FAM168B: variants seen among roughly 807,000 people sequenced by gnomAD.
FAM168B encodes family with sequence similarity 168 member B.
In FAM168B, 19 loss-of-function variants were observed where a neutral mutation model predicts 21.8. The observed-to-expected ratio is 0.87, with a 90% CI of 0.61 to 1.28. The LOEUF (loss-of-function observed/expected upper bound fraction) is 1.28, where lower values mean the gene tolerates loss of function less well. Ranked by LOEUF, FAM168B falls within the 50% of genes most tolerant of loss-of-function variation. The probability of loss-of-function intolerance (pLI) is 0.00; values close to 1 mark genes in which losing one functional copy is unlikely to be tolerated. For missense variants in FAM168B, 233 were observed against 263.1 expected (o/e 0.89, Z 0.79); for synonymous variants, 126 against 104.8 (o/e 1.20, Z -1.24).
intron 1 of FAM168B, among the ~76,000 whole-genome samples, chr2:131,086,775 C>CA (rs2105589462): frequency 7.0e-6 from 1 of 142,990 alleles, no homozygotes; most frequent in East Asian, 2.0e-4. Context: ...TTAAGAGTCA[C>CA]AAGAGAAAGG....
rs201465601 is a variant in FAM168B at position 131,089,966 on chromosome 2, A to C, written c.-12+3248T>G. 5.9e-5 allele frequency among the ~76,000 whole-genome samples: 9 copies of C among 151,914 alleles called. No homozygotes were observed. The East Asian group carries it at 1.8e-3, about 30-fold the overall frequency. ...AGAATCACTTGAACCCAGGAGGCAG[A>C]GGTTTCAGTGAGCCGAGATCATACC... On this transcript the variant is annotated intron_variant, in intron 1 of 6. Transcript: ENST00000389915.
chr2:131,056,515 C>T (rs983684572), intron 3 of FAM168B, among the ~76,000 whole-genome samples: 1 of 152,032 alleles, frequency 6.6e-6, no homozygotes, highest in Non-Finnish European at 1.5e-5. Context: ...ATAAAGAGAC[C>T]CCATCTAGTA....
At chr2:131,081,657 A>T (rs1693440463) in intron 2 of FAM168B, among the ~76,000 whole-genome samples, 1 of 152,114 alleles carries the variant, frequency 6.6e-6, no homozygotes, top group Non-Finnish European at 1.5e-5. Context: ...AGAATGACTG[A>T]TAAGAAGTCT....
At chr2:131,073,343 TCGGCCTCCCAAAGTGCGGGTATTAC>T (rs1692976822) in intron 2 of FAM168B, among the ~76,000 whole-genome samples, 1 of 152,290 alleles carries the variant, frequency 6.6e-6, no homozygotes, top group South Asian at 2.1e-4. Context: ...TCCACCTGCC[TCGGCCTCCCAAAGTGCGGGTATTAC>T]CGGCATGAGT....
intron 3 of FAM168B, among the ~76,000 whole-genome samples, chr2:131,061,506 C>A (rs1355580900): frequency 6.6e-6 from 1 of 151,904 alleles, no homozygotes. Context: ...TATAGTCAGG[C>A]GCAGTGGCTC....
At chr2:131,090,273 C>A (rs1044208711) in intron 1 of FAM168B, among the ~76,000 whole-genome samples, 27 of 148,334 alleles carry the variant, frequency 1.8e-4, no homozygotes, top group African/African-American at 6.7e-4. Context: ...GAGCCCAGAC[C>A]GTGCCACTGC....
chr2:131,050,190 T>G lies in FAM168B; in HGVS notation c.*2275A>C. The G allele has an allele frequency of 1.0e-6, 1 of 985,480 alleles. No homozygotes were observed. The highest frequency in any genetic ancestry group is 1.2e-6 in the Non-Finnish European group (1 of 829,950). The allele number at this position is 985,480 out of a possible 1,614,324, so 61.0% of individuals were successfully genotyped here. A position where few individuals can be genotyped will look rare whatever the true frequency, so the allele number is the denominator to read the frequency against. On this transcript the variant is annotated 3_prime_UTR_variant, in exon 7 of 7. Coordinates refer to ENST00000389915, the MANE Select transcript of FAM168B (RefSeq NM_001009993.4). ...GTGTGTGCCAAGTACCAAGCAAGCC[T>G]GAAGAGATGCCTGTAACTTCTAACC...
At position 131,049,070 on chromosome 2, in the gene FAM168B, AGCACTCACTG is replaced by A. The variant is rs1558921808; in HGVS notation, c.*3385_*3394del. On this transcript the variant is annotated 3_prime_UTR_variant, in exon 7 of 7. Transcript: ENST00000389915. ...AACTAGTACATGTTGGCCTTTCACC[AGCACTCACTG>A]GCACTCACAGGTGCCTTACATACCT... The A allele has an allele frequency of 2.0e-6, 2 of 985,344 alleles. No individual in the cohort carries two copies. Among genetic ancestry groups the A allele is most frequent in the African/African-American group, 1.7e-5 (1 of 57,242 alleles). The allele number at this position is 985,344 out of a possible 1,614,324, so 61.0% of individuals were successfully genotyped here.
At chr2:131,058,757 G>C (rs1328098372) in intron 3 of FAM168B, among the ~76,000 whole-genome samples, 1 of 152,122 alleles carries the variant, frequency 6.6e-6, no homozygotes, top group Non-Finnish European at 1.5e-5. Context: ...TCATCTCCTC[G>C]TCTTTAAGAA....
intron 2 of FAM168B, among the ~76,000 whole-genome samples, chr2:131,080,922 G>A (rs564204221): frequency 4.0e-5 from 6 of 151,850 alleles, no homozygotes; most frequent in East Asian, 3.9e-4. Context: ...TGCCTGCCTC[G>A]GCCTCCCAAA....
intron 1 of FAM168B, among the ~76,000 whole-genome samples, chr2:131,083,922 C>T (rs549680913): frequency 5.3e-4 from 79 of 148,146 alleles, no homozygotes; most frequent in African/African-American, 1.9e-3. Flanking sequence ...ATTTATTTTC[C>T]CAGACGGAGT....
At chr2:131,060,514 A>C (rs1692239701) in intron 3 of FAM168B, among the ~76,000 whole-genome samples, 1 of 152,204 alleles carries the variant, frequency 6.6e-6, no homozygotes. Context: ...CTTTATAAAA[A>C]ATTCACTATG....
At chr2:131,073,385 G>C (rs538688830) in intron 2 of FAM168B, among the ~76,000 whole-genome samples, 18 of 152,102 alleles carry the variant, frequency 1.2e-4, no homozygotes, top group Non-Finnish European at 1.6e-4. Context: ...GAGTTACCAC[G>C]CCTTGCCATA....
At chr2:131,062,278 C>T (rs183508027) in intron 3 of FAM168B, among the ~76,000 whole-genome samples, 1 of 152,314 alleles carries the variant, frequency 6.6e-6, no homozygotes, top group African/African-American at 2.4e-5. Flanking sequence ...GCTCATCTGG[C>T]CCACCACAGC....
chr2:131,052,992 G>T lies in FAM168B; in HGVS notation c.499C>A (p.Pro167Thr). ...ACCGGGTGGGGGGCGACAGGAGTTGGGGAGTGAGCAGTCAGCAGGGTACCT... is the reference window on the plus strand; with the variant it reads ...ACCGGGTGGGGGGCGACAGGAGTTGTGGAGTGAGCAGTCAGCAGGGTACCT... The part of the protein sequence containing the change: ...SAGTLLTAHS[P>T]TPVAPHPVTV... Residue 167 changes from proline (P) to threonine (T), a missense_variant, in exon 6 of 7, where the codon CCA (proline) becomes ACA (threonine). Physicochemically the swap from Pro to Thr is conservative, Grantham distance 38 (BLOSUM62 -1). Transcript: ENST00000389915. The T allele has an allele frequency of 3.9e-6, 6 of 1,555,000 alleles. No individual in the cohort carries two copies. The highest frequency in any genetic ancestry group is 5.2e-6 in the Non-Finnish European group (6 of 1,148,990).
chr2:131,091,287 C>T (rs894426124), intron 1 of FAM168B, among the ~76,000 whole-genome samples: 5 of 151,474 alleles, frequency 3.3e-5, no homozygotes, highest in East Asian at 2.0e-4. Context: ...TGCAGTGAGC[C>T]GAGATCACTC....
chr2:131,062,734 C>T (rs942801726), intron 3 of FAM168B, among the ~76,000 whole-genome samples: 2 of 152,252 alleles, frequency 1.3e-5, no homozygotes, highest in South Asian at 2.1e-4. Flanking sequence ...AGGTATGAGC[C>T]GCCGCGTCCG....
chr2:131,060,874 C>A (rs955535036), intron 3 of FAM168B, among the ~76,000 whole-genome samples: 1 of 151,606 alleles, frequency 6.6e-6, no homozygotes, highest in Admixed American at 6.6e-5. Context: ...TTTTTTGAGA[C>A]GGAGTCTCGC....
intron 3 of FAM168B, among the ~76,000 whole-genome samples, chr2:131,060,439 T>A (rs1692236246): frequency 6.6e-6 from 1 of 152,182 alleles, no homozygotes; most frequent in Admixed American, 6.5e-5. Context: ...TCTTTTGAAG[T>A]CAAAGTATTA....
Sources: allele counts gnomAD v4.1 joint callset (sites outside exome capture counted in the v4.1 genomes callset), GRCh38; gene constraint gnomAD v4.1.1; transcripts MANE v1.5; gene names NCBI Gene and HGNC (gene_info 2026-07-23, HGNC 2026-07-21).